The following KIF9 variants were observed in gnomAD, a reference collection of about 807,000 sequenced individuals.
KIF9 encodes kinesin family member 9.
KIF9 carries 68 observed loss-of-function variants against 94.8 expected under a neutral mutation model. The observed-to-expected ratio is 0.72, with a 90% CI of 0.59 to 0.88. The LOEUF is 0.88. KIF9 is among the 40% of genes least tolerant of loss of function. The pLI is 0.00. For missense variants in KIF9, 882 were observed against 982.5 expected (o/e 0.90, Z 1.37); for synonymous variants, 343 against 362.1 (o/e 0.95, Z 0.60).
At chr3:47,280,870 T>G in intron 1 of KIF9, 1 of 702,270 alleles carries the variant, frequency 1.4e-6, no homozygotes, top group Middle Eastern at 2.3e-4. Context: ...AGTCTTCCTT[T>G]GCACACCCGT....
In KIF9 at chr3:47,267,225, G is replaced by T. The variant is rs774182625; in HGVS notation, c.630C>A (p.Asn210Lys). ...TGCAGTGTGATCTGGAAGAGTTTTT[G>T]TTCATAGTGTGGGAGGCTATAATCC... ...TNRIIASHTM[N>K]KNSSRSHCIF... Residue 210 changes from asparagine to lysine, a missense_variant, in exon 6 of 21, where the codon AAC becomes AAA. Transcript: ENST00000684063. 1 of 1,613,602 alleles carries T rather than the reference G, an allele frequency of 6.2e-7. No individual in the cohort carries two copies. The highest frequency in any genetic ancestry group is 1.7e-5 in the Admixed American group (1 of 60,006).
chr3:47,269,066 G>A (rs923759841), intron 5 of KIF9, among the ~76,000 whole-genome samples: 3 of 152,054 alleles, frequency 2.0e-5, no homozygotes, highest in South Asian at 2.1e-4. Flanking sequence ...GAGACACCGC[G>A]CCTGGCCTTG....
At chr3:47,246,489 T>A in intron 12 of KIF9, 1 of 307,144 alleles carries the variant, frequency 3.3e-6, no homozygotes. Context: ...AAAAACCACC[T>A]TTTCGAAGTG....
rs1700701577 is a variant in KIF9 at position 47,257,542 on chromosome 3, C to G, written c.1000G>C (p.Ala334Pro). The change falls in exon 10 of 21, where the codon GCC becomes CCC. Residue 334 changes from alanine to proline, a missense_variant. Coordinates refer to ENST00000684063, the MANE Select transcript of KIF9 (RefSeq NM_182902.4). Reference protein sequence around the residue: ...LEETLSSLRFASRMKLVTTEP... With the variant: ...LEETLSSLRFPSRMKLVTTEP... The stretch of plus-strand genomic sequence containing the variant: ...GTGGTGACTAGCTTCATCCTGCTGG[C>G]AAATCTCAGTGAAGATAGCTGCAAA... The G allele has an allele frequency of 6.2e-7, 1 of 1,613,650 alleles. No homozygotes were observed. Among genetic ancestry groups the G allele is most frequent in the African/African-American group, 1.3e-5 (1 of 74,920 alleles).
At chr3:47,241,776 T>TAC (rs1408945191) in intron 16 of KIF9, among the ~76,000 whole-genome samples, 1 of 141,282 alleles carries the variant, frequency 7.1e-6, no homozygotes, top group Admixed American at 7.4e-5. Flanking sequence ...TACGTATATA[T>TAC]ACATGTATAT....
In KIF9 at chr3:47,241,884, AT is replaced by A. The variant is rs199875749; in HGVS notation, c.1710-870del. ...TATACACATATATATATATATATAT[AT>A]TTTTTTTTTTTTTTCTTTGGAGACA... On this transcript the variant is annotated intron_variant, in intron 16 of 20. Coordinates refer to ENST00000684063, the MANE Select transcript of KIF9 (RefSeq NM_182902.4). 3.8e-3 allele frequency among the ~76,000 whole-genome samples: 437 copies of A among 114,284 alleles called. 6 individuals carry two copies. Among genetic ancestry groups the A allele is most frequent in the African/African-American group, 0.012 (341 of 27,962 alleles). The allele number at this position is 114,284 out of a possible 152,430, so 75.0% of individuals were successfully genotyped here.
At chr3:47,270,245 C>T (rs1012119266) in intron 5 of KIF9, among the ~76,000 whole-genome samples, 2 of 150,918 alleles carry the variant, frequency 1.3e-5, no homozygotes, top group Non-Finnish European at 3.0e-5. Context: ...TCTTATTTTT[C>T]TCTTTTTCTT....
Position 47,265,849 on chromosome 3 carries a change from G to A in KIF9, c.797C>T (p.Thr266Ile). Residue 266 changes from threonine to isoleucine, a missense_variant, in exon 8 of 21, where the codon ACC becomes ATC. Thr to Ile is a moderately conservative substitution (Grantham distance 89, BLOSUM62 -1). Coordinates refer to ENST00000684063, the MANE Select transcript of KIF9 (RefSeq NM_182902.4). ...GSEGQVLKEA[T>I]YINKSLSFLE... ...GAATGAGAGCGATTTGTTGATGTAG[G>A]TGGCTTCCTTCAGGACTTGGCCCTC... The A allele has an allele frequency of 6.2e-7, 1 of 1,614,160 alleles. No individual in the cohort carries two copies. Among genetic ancestry groups the A allele is most frequent in the South Asian group, 1.1e-5 (1 of 91,090 alleles).
chr3:47,232,772 G>T (rs1239973593), intron 20 of KIF9, among the ~76,000 whole-genome samples: 3 of 150,586 alleles, frequency 2.0e-5, no homozygotes, highest in Non-Finnish European at 4.4e-5. Flanking sequence ...CAAGAGGTCA[G>T]GAGATCGAGA....
intron 20 of KIF9, among the ~76,000 whole-genome samples, chr3:47,233,741 T>C (rs1309609668): frequency 1.3e-5 from 2 of 149,792 alleles, no homozygotes; most frequent in East Asian, 3.9e-4. Context: ...CACCAATAGG[T>C]TGACACAGCA....
At position 47,241,001 on chromosome 3, in the gene KIF9, G is replaced by A; in HGVS notation, c.1724C>T (p.Pro575Leu). 1 of 1,614,124 alleles carries A rather than the reference G, an allele frequency of 6.2e-7. No individual in the cohort carries two copies. The highest frequency in any genetic ancestry group is 1.1e-5 in the South Asian group (1 of 91,066). Residue 575 changes from proline (P) to leucine (L), a missense_variant, in exon 17 of 21, where the codon CCC (proline) becomes CTC (leucine). Coordinates refer to ENST00000684063, the MANE Select transcript of KIF9 (RefSeq NM_182902.4). ...CTCCTCAAAGGCCACTGGTTTGGAG[G>A]GTGGGGTGTCGGGCCTTGAGATGAA... ...ELRPIRPDTP[P>L]SKPVAFEEFK...
At chr3:47,241,213 T>C (rs1400291966) in intron 16 of KIF9, among the ~76,000 whole-genome samples, 198 bp from the exon 17 acceptor site, 5 of 152,112 alleles carry the variant, frequency 3.3e-5, no homozygotes, top group African/African-American at 1.2e-4. Flanking sequence ...CAAGGACATA[T>C]GCCCATGGCA....
intron 5 of KIF9, among the ~76,000 whole-genome samples, chr3:47,270,985 A>AG (rs1465427631): frequency 6.6e-6 from 1 of 151,494 alleles, no homozygotes; most frequent in East Asian, 1.9e-4. Context: ...CAAAAAAAAA[A>AG]AAAAAAAAAT....
chr3:47,230,512 C>T (rs1698485236), intron 20 of KIF9, among the ~76,000 whole-genome samples: 1 of 152,032 alleles, frequency 6.6e-6, no homozygotes, highest in African/African-American at 2.4e-5. Flanking sequence ...GCGGGTGGAT[C>T]ACCCGAGGTC....
At chr3:47,280,186 G>A (rs960238231) in intron 1 of KIF9, among the ~76,000 whole-genome samples, 4 of 152,082 alleles carry the variant, frequency 2.6e-5, no homozygotes, top group African/African-American at 9.7e-5. Context: ...TCAAACTCCT[G>A]GGTTCAAGCA....
chr3:47,260,586 G>A (rs779643114), intron 9 of KIF9, among the ~76,000 whole-genome samples: 1 of 152,142 alleles, frequency 6.6e-6, no homozygotes, highest in Non-Finnish European at 1.5e-5. Context: ...TAGAAGTGTG[G>A]TTGCTCATTT....
Position 47,271,585 on chromosome 3 carries a change from T to C in KIF9, c.367-124A>G, listed in dbSNP as rs541767818. The C allele has an allele frequency of 1.3e-5, 9 of 701,378 alleles. No individual in the cohort carries two copies. The African/African-American group carries it at 1.6e-4, about 12-fold the overall frequency. The allele number at this position is 701,378 out of a possible 1,614,324, so 43.4% of individuals were successfully genotyped here. On this transcript the variant is annotated intron_variant, in intron 4 of 20. Coordinates refer to ENST00000684063, the MANE Select transcript of KIF9 (RefSeq NM_182902.4). Reference sequence around the variant, plus strand: ...TAGAATAATTATTGTCCTAAAGGAATTGGGTGATATTTAGTATCATCTTGT... The same window carrying C: ...TAGAATAATTATTGTCCTAAAGGAACTGGGTGATATTTAGTATCATCTTGT...
intron 1 of KIF9, among the ~76,000 whole-genome samples, chr3:47,280,018 G>C (rs1474435623): frequency 6.6e-6 from 1 of 152,116 alleles, no homozygotes; most frequent in African/African-American, 2.4e-5. Flanking sequence ...GCACTGGTGT[G>C]ATTTCAGCTC....
intron 2 of KIF9, among the ~76,000 whole-genome samples, chr3:47,275,781 A>T (rs548621166): frequency 6.6e-6 from 1 of 152,332 alleles, no homozygotes; most frequent in South Asian, 2.1e-4. Context: ...TATGAGGTCA[A>T]ATTTATCATG....
Sources: allele counts gnomAD v4.1 joint callset (sites outside exome capture counted in the v4.1 genomes callset), GRCh38; gene constraint gnomAD v4.1.1; transcripts MANE v1.5; gene names NCBI Gene and HGNC (gene_info 2026-07-23, HGNC 2026-07-21).